ZNF469: variants seen among roughly 807,000 people sequenced by gnomAD.
The protein encoded by ZNF469 is zinc finger protein 469.
A neutral mutation model predicts 1.0 loss-of-function variants in ZNF469; 1 was observed. That is an observed-to-expected ratio of 1.00 (90% CI 0.35 to 4.73). The LOEUF is 4.73. Ranked by LOEUF, ZNF469 falls within the 30% of genes most tolerant of loss-of-function variation. The pLI is 0.16. For synonymous variants in ZNF469, 2,703 were observed against 2,363.4 expected, an observed-to-expected ratio of 1.14 and a Z score of -4.17; for missense variants, 6,100 against 5,356.3, an observed-to-expected ratio of 1.14 and a Z score of -4.33.
chr16:88,342,442 C>A, the ZNF469 span, among the ~76,000 whole-genome samples: 1 of 152,188 alleles, frequency 6.6e-6, no homozygotes, highest in African/African-American at 2.4e-5. Context: ...CTCCTCAGCT[C>A]CCCACTCCAA....
At chr16:88,358,164 G>A in the ZNF469 span, among the ~76,000 whole-genome samples, 12 of 152,310 alleles carry the variant, frequency 7.9e-5, no homozygotes, top group Non-Finnish European at 1.3e-4. Flanking sequence ...CAGCGTGGGC[G>A]TCAGGCCTCA....
the ZNF469 span, among the ~76,000 whole-genome samples, chr16:88,107,098 G>A: frequency 7.9e-5 from 12 of 152,186 alleles, no homozygotes; most frequent in South Asian, 2.1e-4. Context: ...AGGCCCGCAC[G>A]GGAGGTGCCG....
rs1023878495 is a variant in ZNF469, at chr16:88,433,946, C to T, written c.6476C>T (p.Pro2159Leu). 2.8e-5 allele frequency: 44 copies of T among 1,550,098 alleles called. No homozygotes were observed. The highest frequency in any genetic ancestry group is 6.8e-5 in the African/African-American group (5 of 73,066). The change falls in exon 3 of 3, where the codon CCT becomes CTT. Residue 2159 changes from proline (P) to leucine (L), a missense_variant. Coordinates refer to ENST00000565624, the MANE Select transcript of ZNF469 (RefSeq NM_001367624.2). The stretch of plus-strand genomic sequence containing the variant: ...CCAGCATCTCCGTCCTGCAGGGACC[C>T]TCCCGGCCCCCAGCAGCTGCTGGCC... ...QLPASPSCRD[P>L]PGPQQLLACS... is the part of the protein sequence containing the mutation.
chr16:88,354,229 A>T, the ZNF469 span, among the ~76,000 whole-genome samples: 1 of 152,106 alleles, frequency 6.6e-6, no homozygotes, highest in African/African-American at 2.4e-5. Context: ...CAGCATTTGA[A>T]TCCGGGTCTG....
At chr16:88,365,756 G>C in the ZNF469 span, among the ~76,000 whole-genome samples, 6 of 152,164 alleles carry the variant, frequency 3.9e-5, no homozygotes, top group Non-Finnish European at 5.9e-5. Flanking sequence ...ACCAGCCTTG[G>C]AGTCCTTTGC....
At chr16:88,249,627 G>A in the ZNF469 span, among the ~76,000 whole-genome samples, 11 of 151,310 alleles carry the variant, frequency 7.3e-5, no homozygotes, top group East Asian at 1.9e-4. Context: ...TAGTAGAGAC[G>A]GGATTTCACC....
At chr16:88,403,187 C>G (rs1046399867) in intron 1 of ZNF469, among the ~76,000 whole-genome samples, 2 of 152,220 alleles carry the variant, frequency 1.3e-5, no homozygotes, top group African/African-American at 4.8e-5. Flanking sequence ...ATGCTTCTGT[C>G]CGTCCGTTGC....
At chr16:88,232,541 G>A in the ZNF469 span, among the ~76,000 whole-genome samples, 30 of 152,314 alleles carry the variant, frequency 2.0e-4, no homozygotes, top group South Asian at 1.0e-3. Flanking sequence ...TGCCCTTTGC[G>A]GAAATCATTC....
At chr16:88,227,611 C>T in the ZNF469 span, among the ~76,000 whole-genome samples, 1 of 151,246 alleles carries the variant, frequency 6.6e-6, no homozygotes, top group Non-Finnish European at 1.5e-5. Flanking sequence ...TCCCCACTGC[C>T]CCATCTCCCT....
chr16:88,377,347 T>C, the ZNF469 span, among the ~76,000 whole-genome samples: 13 of 152,164 alleles, frequency 8.5e-5, no homozygotes, highest in African/African-American at 2.7e-4. Flanking sequence ...CCCGGTGGCT[T>C]CCGGCTACTC....
chr16:88,184,086 G>T, the ZNF469 span, among the ~76,000 whole-genome samples: 1 of 151,942 alleles, frequency 6.6e-6, no homozygotes, highest in African/African-American at 2.4e-5. Flanking sequence ...GCATAGATTT[G>T]CCCCTCCCCT....
the ZNF469 span, among the ~76,000 whole-genome samples, chr16:88,356,344 C>T: frequency 4.6e-5 from 7 of 152,276 alleles, no homozygotes; most frequent in South Asian, 2.1e-4. Flanking sequence ...GAAGCCCTAG[C>T]GGGCTTCTTG....
chr16:88,194,169 G>A, the ZNF469 span: 1 of 152,254 alleles, frequency 6.6e-6, no homozygotes. Context: ...TCTTCCTACA[G>A]ACGAGAGACT....
chr16:88,174,860 T>C, the ZNF469 span, among the ~76,000 whole-genome samples: 3 of 152,204 alleles, frequency 2.0e-5, no homozygotes, highest in African/African-American at 4.8e-5. Flanking sequence ...TCGTAGTTTC[T>C]GGGGAGTCAA....
the ZNF469 span, among the ~76,000 whole-genome samples, chr16:88,113,428 G>A: frequency 2.0e-5 from 3 of 152,180 alleles, no homozygotes; most frequent in African/African-American, 2.4e-5. Context: ...GGTAATGGGC[G>A]GCTCTTCCAG....
At chr16:88,239,939 A>G in the ZNF469 span, among the ~76,000 whole-genome samples, 1 of 147,188 alleles carries the variant, frequency 6.8e-6, no homozygotes, top group African/African-American at 2.5e-5. Context: ...GAAATTGCCC[A>G]GCTAGGTAGG....
At chr16:88,384,507 G>A (rs558431946) in intron 1 of ZNF469, among the ~76,000 whole-genome samples, 1 of 152,346 alleles carries the variant, frequency 6.6e-6, no homozygotes, top group Admixed American at 6.5e-5. Context: ...AGGCACCCTC[G>A]GAGGAGGTGG....
At chr16:88,209,449 C>T in the ZNF469 span, among the ~76,000 whole-genome samples, 4 of 152,044 alleles carry the variant, frequency 2.6e-5, no homozygotes, top group Admixed American at 2.0e-4. Flanking sequence ...CGCCACCGCA[C>T]CCAGCTAATT....
chr16:88,295,864 T>C, the ZNF469 span, among the ~76,000 whole-genome samples: 1 of 152,162 alleles, frequency 6.6e-6, no homozygotes, highest in Non-Finnish European at 1.5e-5. Context: ...TCAACACAGA[T>C]AACATATGTC....
Sources: allele counts gnomAD v4.1 joint callset (sites outside exome capture counted in the v4.1 genomes callset), GRCh38; gene constraint gnomAD v4.1.1; transcripts MANE v1.5; gene names NCBI Gene and HGNC (gene_info 2026-07-23, HGNC 2026-07-21).